Variants in C2orf76 observed in about 807,000 individuals in gnomAD.
C2orf76 encodes UPF0538 protein C2orf76.
A neutral mutation model predicts 16.9 loss-of-function variants in C2orf76; 23 were observed. The ratio of observed to expected loss-of-function variants is 1.36; its 90% CI spans 0.98 to 1.93. C2orf76 has a LOEUF of 1.93. C2orf76 is among the 30% of genes most tolerant of loss of function. C2orf76 has a pLI of 0.00. For missense variants in C2orf76, 152 were observed against 152.6 expected, an observed-to-expected ratio of 1.00 and a Z score of 0.02; for synonymous variants, 48 against 52.3, an observed-to-expected ratio of 0.92 and a Z score of 0.35.
At chr2:119,324,011 T>C (rs1276265438) in intron 2 of C2orf76, among the ~76,000 whole-genome samples, 1 of 152,254 alleles carries the variant, frequency 6.6e-6, no homozygotes, top group African/African-American at 2.4e-5. Flanking sequence ...ATTTTATTCT[T>C]CTTGTGTCTC....
intron 3 of C2orf76, among the ~76,000 whole-genome samples, chr2:119,319,349 G>T (rs972318021): frequency 2.1e-4 from 32 of 152,168 alleles, no homozygotes; most frequent in East Asian, 7.7e-4. Context: ...AAGGAGAAAT[G>T]ACAAACCAGC....
chr2:119,311,374 T>C (rs1678980726), intron 5 of C2orf76: 1 of 985,278 alleles, frequency 1.0e-6, no homozygotes, highest in Non-Finnish European at 1.2e-6. Context: ...CTCAGGAGAA[T>C]TCTGAGCATA....
intron 1 of C2orf76, among the ~76,000 whole-genome samples, chr2:119,354,952 C>A (rs944682638): frequency 2.6e-5 from 4 of 152,298 alleles, no homozygotes; most frequent in African/African-American, 7.2e-5. Flanking sequence ...ATAAATATAT[C>A]CTTGATTACT....
rs760968405 is a variant in C2orf76, at chr2:119,302,520, A to G, written c.333T>C (p.Cys111=). ...CTTTGTAGTTCTTATAATCTTCTTC[A>G]CAGAAGAATGCAATTTCAGTTTCAC... The part of the protein sequence containing the change: ...IASETEIAFF[C]EEDYKNYKAN... The change falls in exon 6 of 6, where the codon TGT becomes TGC. Residue 111 remains cysteine, a synonymous_variant. Coordinates refer to ENST00000334816, the MANE Select transcript of C2orf76 (RefSeq NM_001322331.2). The G allele has an allele frequency of 1.3e-6, 2 of 1,508,880 alleles. No individual in the cohort carries two copies. The highest frequency in any genetic ancestry group is 1.8e-6 in the Non-Finnish European group (2 of 1,114,744). The allele number at this position is 1,508,880 out of a possible 1,614,324, so 93.5% of individuals were successfully genotyped here.
chr2:119,296,193 G>T, the C2orf76 span, among the ~76,000 whole-genome samples: 1 of 152,174 alleles, frequency 6.6e-6, no homozygotes, highest in African/African-American at 2.4e-5. Flanking sequence ...GTGGCTTCAC[G>T]TGAGAGATGG....
At chr2:119,314,806 G>A (rs1451366326) in intron 4 of C2orf76, among the ~76,000 whole-genome samples, 1 of 152,122 alleles carries the variant, frequency 6.6e-6, no homozygotes, top group Non-Finnish European at 1.5e-5. Flanking sequence ...TTACGCTGTT[G>A]TATCTTCCTA....
chr2:119,311,085 C>T, intron 5 of C2orf76: 1 of 863,284 alleles, frequency 1.2e-6, no homozygotes, highest in Non-Finnish European at 1.4e-6. Context: ...TGTCACATAA[C>T]ATTTATTTAG....
chr2:119,328,696 T>C (rs542761173), intron 2 of C2orf76, among the ~76,000 whole-genome samples: 47 of 152,326 alleles, frequency 3.1e-4, no homozygotes, highest in African/African-American at 1.1e-3. Context: ...ATCATTGATT[T>C]GAAACCTTTT....
At chr2:119,366,903 G>A, upstream of C2orf76, 1 of 1,016,902 alleles carries the variant, frequency 9.8e-7, no homozygotes, top group Non-Finnish European at 1.5e-6. Context: ...CGCATAGCTG[G>A]CTTCTGATTG....
the C2orf76 span, among the ~76,000 whole-genome samples, chr2:119,285,386 T>C: frequency 6.6e-6 from 1 of 152,166 alleles, no homozygotes; most frequent in African/African-American, 2.4e-5. Flanking sequence ...GAGGAGCTTC[T>C]TGGGGGAAGT....
intron 5 of C2orf76, among the ~76,000 whole-genome samples, chr2:119,310,349 A>G (rs759473899): frequency 2.0e-4 from 30 of 152,342 alleles, no homozygotes; most frequent in Middle Eastern, 3.4e-3. Flanking sequence ...AACCTTACAT[A>G]TTCATAACAT....
chr2:119,304,160 G>A (rs1461015932), intron 5 of C2orf76, among the ~76,000 whole-genome samples: 2 of 152,122 alleles, frequency 1.3e-5, no homozygotes, highest in African/African-American at 2.4e-5. Context: ...CATGCCCAGA[G>A]GTAGATGTAT....
At chr2:119,333,908 A>G (rs1404889263) in intron 2 of C2orf76, among the ~76,000 whole-genome samples, 1 of 152,168 alleles carries the variant, frequency 6.6e-6, no homozygotes, top group African/African-American at 2.4e-5. Context: ...CTGTCACAAA[A>G]TGACATGAAG....
chr2:119,283,924 G>A, the C2orf76 span, among the ~76,000 whole-genome samples: 1 of 152,180 alleles, frequency 6.6e-6, no homozygotes, highest in South Asian at 2.1e-4. Context: ...CCGGAAAGTT[G>A]AGCACACAAG....
At chr2:119,340,027 A>G (rs1679976481) in intron 1 of C2orf76, 56 bp from the exon 2 acceptor site, 4 of 1,568,036 alleles carry the variant, frequency 2.6e-6, no homozygotes, top group Non-Finnish European at 2.6e-6. Flanking sequence ...GTTGTCTACC[A>G]GCACCTAGCC....
At chr2:119,281,396 T>C in the C2orf76 span, among the ~76,000 whole-genome samples, 1 of 152,026 alleles carries the variant, frequency 6.6e-6, no homozygotes, top group Non-Finnish European at 1.5e-5. Flanking sequence ...GTTCCAAGAG[T>C]TTCTCTTAGG....
At chr2:119,288,392 C>T in the C2orf76 span, among the ~76,000 whole-genome samples, 2 of 151,928 alleles carry the variant, frequency 1.3e-5, no homozygotes, top group Non-Finnish European at 2.9e-5. Flanking sequence ...GATCCACCCA[C>T]CTCAGCCTCC....
At chr2:119,349,451 A>C (rs1209672422) in intron 1 of C2orf76, among the ~76,000 whole-genome samples, 1 of 152,206 alleles carries the variant, frequency 6.6e-6, no homozygotes, top group African/African-American at 2.4e-5. Flanking sequence ...CAGCATTCGG[A>C]GGCACCAGAA....
chr2:119,310,761 C>G (rs1221669535), intron 5 of C2orf76, among the ~76,000 whole-genome samples: 1 of 152,192 alleles, frequency 6.6e-6, no homozygotes, highest in East Asian at 1.9e-4. Context: ...GTGGTCCCAC[C>G]TACTCAGGAA....
Sources: allele counts gnomAD v4.1 joint callset (sites outside exome capture counted in the v4.1 genomes callset), GRCh38; gene constraint gnomAD v4.1.1; transcripts MANE v1.5; gene names NCBI Gene and HGNC (gene_info 2026-07-23, HGNC 2026-07-21).